The following TRIQK variants were observed in gnomAD, a reference collection of about 807,000 sequenced individuals.
TRIQK encodes triple QxxK/R motif containing.
In TRIQK, 10 loss-of-function variants were observed where a neutral mutation model predicts 10.8. The ratio of observed to expected loss-of-function variants is 0.92; its 90% CI spans 0.57 to 1.57. The LOEUF (loss-of-function observed/expected upper bound fraction) is 1.57. Ranked by LOEUF, TRIQK falls within the 40% of genes most tolerant of loss-of-function variation. TRIQK has a pLI of 0.00. For synonymous variants in TRIQK, 33 were observed against 33.7 expected, an observed-to-expected ratio of 0.98 and a Z score of 0.07; for missense variants, 107 against 97.7, an observed-to-expected ratio of 1.09 and a Z score of -0.40.
At chr8:92,940,402 A>G (rs1175381447) in intron 2 of TRIQK, among the ~76,000 whole-genome samples, 1 of 152,008 alleles carries the variant, frequency 6.6e-6, no homozygotes, top group African/African-American at 2.4e-5. Context: ...TGTCAGGGAC[A>G]CAAACAAACT....
At chr8:92,973,462 T>C (rs1262269132) in intron 1 of TRIQK, 2 of 152,168 alleles carry the variant, frequency 1.3e-5, no homozygotes, top group Admixed American at 6.5e-5. Context: ...AATAAAACGT[T>C]TTCTGTCTTA....
At chr8:92,981,313 C>G (rs1812984222) in intron 1 of TRIQK, among the ~76,000 whole-genome samples, 1 of 151,646 alleles carries the variant, frequency 6.6e-6, no homozygotes, top group African/African-American at 2.4e-5. Flanking sequence ...TTTGATCTCT[C>G]TTTTGTGCTA....
intron 1 of TRIQK, among the ~76,000 whole-genome samples, chr8:93,017,249 G>C (rs1221086747): frequency 6.6e-6 from 1 of 151,568 alleles, no homozygotes; most frequent in East Asian, 1.9e-4. Flanking sequence ...CGCATGTTTA[G>C]ATAAGTCCAA....
At chr8:93,004,173 G>A (rs1813242663) in intron 1 of TRIQK, among the ~76,000 whole-genome samples, 2 of 152,208 alleles carry the variant, frequency 1.3e-5, no homozygotes, top group South Asian at 4.1e-4. Flanking sequence ...TAGCCCTGCT[G>A]CAGACTTCTT....
chr8:92,896,233 G>A (rs1021756296), intron 3 of TRIQK, among the ~76,000 whole-genome samples: 1 of 152,170 alleles, frequency 6.6e-6, no homozygotes, highest in African/African-American at 2.4e-5. Flanking sequence ...AGCAGGCCCA[G>A]GTGAAGTTTG....
chr8:92,904,803 G>A (rs1809163169), intron 3 of TRIQK, among the ~76,000 whole-genome samples: 1 of 152,164 alleles, frequency 6.6e-6, no homozygotes, highest in South Asian at 2.1e-4. Flanking sequence ...GAAAGTGTCT[G>A]AGACATCTCA....
At chr8:92,924,459 A>AG (rs1810342057) in intron 2 of TRIQK, among the ~76,000 whole-genome samples, 1 of 152,014 alleles carries the variant, frequency 6.6e-6, no homozygotes, top group African/African-American at 2.4e-5. Context: ...TCGTGTTTCC[A>AG]GGAATTTACT....
At chr8:92,916,009 T>C (rs1399135289) in intron 3 of TRIQK, among the ~76,000 whole-genome samples, 2 of 152,118 alleles carry the variant, frequency 1.3e-5, no homozygotes, top group Non-Finnish European at 2.9e-5. Flanking sequence ...CCTTTAGTTA[T>C]TTAGAAGTGT....
chr8:92,958,209 G>A (rs1287222568), intron 1 of TRIQK, among the ~76,000 whole-genome samples: 1 of 151,834 alleles, frequency 6.6e-6, no homozygotes, highest in African/African-American at 2.4e-5. Context: ...CCAATCACAA[G>A]AACCCATTGA....
intron 1 of TRIQK, among the ~76,000 whole-genome samples, chr8:92,978,613 C>A (rs144178238): frequency 5.4e-3 from 824 of 152,182 alleles, no homozygotes; most frequent in Non-Finnish European, 8.6e-3. Flanking sequence ...AGTGTATGGA[C>A]CTCAAGTTTT....
intron 1 of TRIQK, among the ~76,000 whole-genome samples, chr8:92,960,316 A>T (rs1406853478): frequency 1.3e-5 from 2 of 152,026 alleles, no homozygotes; most frequent in Non-Finnish European, 2.9e-5. Context: ...TATGATTTCC[A>T]ATTTTTTAAC....
At chr8:92,941,940 T>A (rs1811291297) in intron 2 of TRIQK, among the ~76,000 whole-genome samples, 1 of 152,152 alleles carries the variant, frequency 6.6e-6, no homozygotes, top group Non-Finnish European at 1.5e-5. Context: ...TAATAGAGTC[T>A]CTCATCAGTG....
At chr8:92,971,526 G>C (rs1812877515) in intron 1 of TRIQK, among the ~76,000 whole-genome samples, 1 of 152,078 alleles carries the variant, frequency 6.6e-6, no homozygotes, top group South Asian at 2.1e-4. Flanking sequence ...GCTAAATCAT[G>C]AATGAACTTC....
At chr8:92,903,801 T>A (rs1177059665) in intron 3 of TRIQK, among the ~76,000 whole-genome samples, 1 of 152,104 alleles carries the variant, frequency 6.6e-6, no homozygotes, top group Non-Finnish European at 1.5e-5. Flanking sequence ...TGATAACTAA[T>A]GTGTAAATGA....
At chr8:92,933,781 C>T (rs775218655) in intron 2 of TRIQK, among the ~76,000 whole-genome samples, 2 of 152,032 alleles carry the variant, frequency 1.3e-5, no homozygotes, top group African/African-American at 4.8e-5. Flanking sequence ...AATCATGTTT[C>T]TGTATATTGA....
chr8:92,912,241 T>C (rs758831027), intron 3 of TRIQK, among the ~76,000 whole-genome samples: 19 of 151,498 alleles, frequency 1.3e-4, no homozygotes, highest in Admixed American at 3.3e-4. Flanking sequence ...ATGAGCACAA[T>C]AGAATAAAAC....
chr8:92,944,054 A>C (rs1352826039), intron 2 of TRIQK, among the ~76,000 whole-genome samples: 1 of 152,204 alleles, frequency 6.6e-6, no homozygotes, highest in African/African-American at 2.4e-5. Context: ...AATGTGCAAA[A>C]GACCTGAATA....
At chr8:92,991,166 G>T (rs1813093708) in intron 1 of TRIQK, among the ~76,000 whole-genome samples, 1 of 152,144 alleles carries the variant, frequency 6.6e-6, no homozygotes, top group Non-Finnish European at 1.5e-5. Context: ...GCCCACCGCA[G>T]CTCCACAAAG....
At chr8:92,891,957 T>C in intron 4 of TRIQK, 32 bp downstream of exon 4, 1 of 1,458,870 alleles carries the variant, frequency 6.9e-7, no homozygotes, top group South Asian at 1.3e-5. Flanking sequence ...CATGCACATA[T>C]CAAATTTTAA....
Sources: gnomAD v4.1 joint callset for allele counts (sites outside exome capture counted in the v4.1 genomes callset) on GRCh38, gnomAD v4.1.1 for gene constraint, MANE v1.5 for transcripts, NCBI Gene and HGNC (gene_info 2026-07-23, HGNC 2026-07-21) for gene names.